The following ANKRD36B variants were observed in gnomAD, a reference collection of about 807,000 sequenced individuals.
ANKRD36B encodes ankyrin repeat domain 36B.
Under a neutral mutation model 135.7 loss-of-function variants are expected in ANKRD36B, and 37 were observed. That is an observed-to-expected ratio of 0.27 (90% confidence interval 0.21 to 0.36). The LOEUF is 0.36. Among genes scored for constraint, ANKRD36B ranks in the 10% least tolerant of loss-of-function variants. ANKRD36B has a pLI of 1.00. For synonymous variants in ANKRD36B, 179 were observed against 348.1 expected (o/e 0.51, Z 5.41); for missense variants, 549 against 1,037.1 (o/e 0.53, Z 6.46).
rs762947828 is a variant in ANKRD36B at position 97,545,829 on chromosome 2, T to C, written c.1608+4A>G. On this transcript the variant is annotated splice_donor_region_variant and intron_variant, in intron 23 of 43. Coordinates refer to ENST00000359901, the MANE Select transcript of ANKRD36B (RefSeq NM_001393939.1). ...GTTCAAAATACAAAAGAGAGTTTAA[T>C]TACCTTCAAGGATGGTTGTTTATGA... 1.4e-5 allele frequency: 13 copies of C among 961,926 alleles called. 6 individuals are homozygous for C. Among genetic ancestry groups the C allele is most frequent in the South Asian group, 1.3e-4 (11 of 84,722 alleles). 59.6% of individuals were successfully genotyped at this position (961,926 alleles called of 1,614,324 possible). A position where few individuals can be genotyped will look rare whatever the true frequency, so the allele number is the denominator to read the frequency against.
At chr2:97,561,639 C>T (rs1187712637) in intron 6 of ANKRD36B, among the ~76,000 whole-genome samples, 1 of 151,908 alleles carries the variant, frequency 6.6e-6, no homozygotes, top group East Asian at 1.9e-4. Flanking sequence ...ATCTGGAAAT[C>T]ACTCCAATAT....
At chr2:97,550,947 G>A (rs1355983782) in intron 18 of ANKRD36B, among the ~76,000 whole-genome samples, 5 of 151,966 alleles carry the variant, frequency 3.3e-5, no homozygotes, top group East Asian at 3.9e-4. Flanking sequence ...ACGATGTGAC[G>A]TCTGTAAAAT....
rs1377587180 is a variant in ANKRD36B at position 97,540,083 on chromosome 2, A to G, written c.1938T>C (p.Ser646=). 1 of 942,422 alleles carries G rather than the reference A, an allele frequency of 1.1e-6. No homozygotes were observed. Among genetic ancestry groups the G allele is most frequent in the East Asian group, 2.7e-5 (1 of 37,706 alleles). 58.4% of individuals were successfully genotyped at this position (942,422 alleles called of 1,614,324 possible). ...TTATTTCTCTGGCTATATTCGAAAC[A>G]GAATCTTTCTCATCACCTGTAGTCT... The part of the protein sequence containing the change: ...ALKTTGDEKD[S]VSNIAREIKD... Residue 646 remains serine, a synonymous_variant, in exon 30 of 44, where the codon TCT becomes TCC. Coordinates refer to ENST00000359901, the MANE Select transcript of ANKRD36B (RefSeq NM_001393939.1).
chr2:97,583,051 AATGACCT>A (rs2082726762), intron 3 of ANKRD36B, among the ~76,000 whole-genome samples: 1 of 151,266 alleles, frequency 6.6e-6, no homozygotes, highest in Non-Finnish European at 1.5e-5. Flanking sequence ...AAGCTCTAAT[AATGACCT>A]ATATGTATTC....
rs2078540262 is a variant in ANKRD36B at position 97,530,846 on chromosome 2, C to G, written c.2265+1465G>C. Among the ~76,000 whole-genome samples the G allele has an allele frequency of 2.1e-5, 2 of 97,242 alleles. 1 individual carries two copies. Among genetic ancestry groups the G allele is most frequent in the Non-Finnish European group, 5.5e-5 (2 of 36,470 alleles). 63.8% of individuals were successfully genotyped at this position (97,242 alleles called of 152,430 possible). ...GCCATCAGAGAAATGCAAATCAAAA[C>G]CACAATGAGATACCATCCCACACCA... On this transcript the variant is annotated intron_variant, in intron 35 of 43. Transcript: ENST00000359901.
intron 3 of ANKRD36B, among the ~76,000 whole-genome samples, chr2:97,584,149 T>C (rs1460106730): frequency 1.2e-5 from 1 of 86,500 alleles, no homozygotes; most frequent in African/African-American, 4.9e-5. Flanking sequence ...AATTGAATAA[T>C]GTCCATTAAT....
At chr2:97,569,637 C>T (rs1248290787) in intron 6 of ANKRD36B, among the ~76,000 whole-genome samples, 2 of 149,718 alleles carry the variant, frequency 1.3e-5, no homozygotes, top group African/African-American at 4.9e-5. Flanking sequence ...ATGGGGGGAG[C>T]TATGAACGTG....
In ANKRD36B at chr2:97,524,295, C is replaced by T. The variant is rs1186029729; in HGVS notation, c.2266-828G>A. 4 of 93,850 alleles carry T rather than the reference C, an allele frequency of 4.3e-5. 1 individual carries two copies. Among genetic ancestry groups the T allele is most frequent in the East Asian group, 2.4e-4 (1 of 4,254 alleles). 5.8% of individuals were successfully genotyped at this position (93,850 alleles called of 1,614,324 possible). On this transcript the variant is annotated intron_variant, in intron 35 of 43. Transcript: ENST00000359901. ...TGTCCGATGTTTAATTTCCAGTTAGCGGTGTTTTGGTTTTTTGTCATTTGC... is the reference window on the plus strand; with the variant it reads ...TGTCCGATGTTTAATTTCCAGTTAGTGGTGTTTTGGTTTTTTGTCATTTGC...
In ANKRD36B at chr2:97,529,639, G is replaced by T. The variant is rs2078448391; in HGVS notation, c.2265+2672C>A. Among the ~76,000 whole-genome samples, 3 of 96,080 alleles carry T rather than the reference G, an allele frequency of 3.1e-5. 1 individual carries two copies. Among genetic ancestry groups the T allele is most frequent in the African/African-American group, 9.4e-5 (3 of 32,006 alleles). The allele number at this position is 96,080 out of a possible 152,430, so 63.0% of individuals were successfully genotyped here. A position where few individuals can be genotyped will look rare whatever the true frequency, so the allele number is the denominator to read the frequency against. ...GTCCCTGTTTGCAGACGACATGATT[G>T]TATATCTAGAAAACCCCATTGTCTC... On this transcript the variant is annotated intron_variant, in intron 35 of 43. Coordinates refer to ENST00000359901, the MANE Select transcript of ANKRD36B (RefSeq NM_001393939.1).
intron 43 of ANKRD36B, among the ~76,000 whole-genome samples, chr2:97,494,680 CTTG>C (rs1354565410): frequency 1.4e-4 from 14 of 98,408 alleles, no homozygotes; most frequent in African/African-American, 3.9e-4. Context: ...TATAGTGTAT[CTTG>C]TTGTGAGTCC....
In ANKRD36B at chr2:97,589,682, C is replaced by T. The variant is rs1559262255; in HGVS notation, c.4G>A (p.Glu2Lys). Reference sequence around the variant, plus strand: ...GCGAAGCCATCCGAGCACAAGCGCTCCATGAGGGTGGGCCACCTCTCCCGC... The same window carrying T: ...GCGAAGCCATCCGAGCACAAGCGCTTCATGAGGGTGGGCCACCTCTCCCGC... MERLCSDGFAFP... is the reference protein window; with the variant it reads MKRLCSDGFAFP... Residue 2 changes from glutamate (E) to lysine (K), a missense_variant, in exon 1 of 44, where the codon GAG becomes AAG. Physicochemically the swap from Glu to Lys is moderately conservative, Grantham distance 56. Coordinates refer to ENST00000359901, the MANE Select transcript of ANKRD36B (RefSeq NM_001393939.1). 3 of 1,614,170 alleles carry T rather than the reference C, an allele frequency of 1.9e-6. No individual in the cohort carries two copies. Among genetic ancestry groups the T allele is most frequent in the Non-Finnish European group, 2.5e-6 (3 of 1,180,028 alleles).
chr2:97,585,099 C>T lies in ANKRD36B; in HGVS notation c.295G>A (p.Glu99Lys). 6.2e-7 allele frequency: 1 copy of T among 1,613,292 alleles called. No individual in the cohort carries two copies. Among genetic ancestry groups the T allele is most frequent in the Middle Eastern group, 1.7e-4 (1 of 5,856 alleles). Residue 99 changes from glutamate to lysine, a missense_variant, in exon 3 of 44, where the codon GAG becomes AAG. Glu to Lys is a moderately conservative substitution (Grantham distance 56). Transcript: ENST00000359901. ...PLIKAVQLRQ[E>K]ACATLLLQNG... ...TGCAGCAGAAGAGTTGCACAAGCCTCCTGCCTCAGTTGTACAGCCTGTCAG... is the reference window on the plus strand; with the variant it reads ...TGCAGCAGAAGAGTTGCACAAGCCTTCTGCCTCAGTTGTACAGCCTGTCAG...
At chr2:97,572,137 G>T (rs1468460528) in intron 6 of ANKRD36B, among the ~76,000 whole-genome samples, 1 of 152,040 alleles carries the variant, frequency 6.6e-6, no homozygotes, top group African/African-American at 2.4e-5. Context: ...AAGTTAGCTT[G>T]GTATGGTGGC....
chr2:97,551,195 T>A (rs928645616), intron 18 of ANKRD36B, 94 bp downstream of exon 18: 1 of 1,469,796 alleles, frequency 6.8e-7, no homozygotes, highest in East Asian at 2.5e-5. Context: ...TGAGTCAGAA[T>A]GTGCAGCTTC....
chr2:97,533,674 G>A lies in ANKRD36B; in HGVS notation c.2192-1290C>T, dbSNP rs1285486167. Among the ~76,000 whole-genome samples the A allele has an allele frequency of 2.1e-5, 2 of 94,108 alleles. 1 individual carries two copies. Among genetic ancestry groups the A allele is most frequent in the Non-Finnish European group, 5.6e-5 (2 of 35,578 alleles). 61.7% of individuals were successfully genotyped at this position (94,108 alleles called of 152,430 possible). A position where few individuals can be genotyped will look rare whatever the true frequency, so the allele number is the denominator to read the frequency against. ...TTTTTTCATTCCTAGGTAGGCTACT[G>A]CTATGTCTACATTGCTTGTATCCTG... On this transcript the variant is annotated intron_variant, in intron 34 of 43. Coordinates refer to ENST00000359901, the MANE Select transcript of ANKRD36B (RefSeq NM_001393939.1).
intron 3 of ANKRD36B, 92 bp from the exon 4 acceptor site, chr2:97,580,660 T>C (rs1573067679): frequency 5.8e-6 from 7 of 1,209,426 alleles, no homozygotes; most frequent in East Asian, 5.8e-5. Flanking sequence ...AGCTTCAATA[T>C]ATACAATTGA....
Position 97,536,281 on chromosome 2 carries a change from T to C in ANKRD36B, c.2191+19A>G. 1 of 889,050 alleles carries C rather than the reference T, an allele frequency of 1.1e-6. No individual in the cohort carries two copies. Among genetic ancestry groups the C allele is most frequent in the South Asian group, 1.3e-5 (1 of 78,346 alleles). The allele number at this position is 889,050 out of a possible 1,614,324, so 55.1% of individuals were successfully genotyped here. A position where few individuals can be genotyped will look rare whatever the true frequency, so the allele number is the denominator to read the frequency against. ...TAATGTACTTCTTTCCAGAGTTAAA[T>C]CTACAATGCAAAGTTTACCTGGTGT... On this transcript the variant is annotated intron_variant, in intron 34 of 43. Coordinates refer to ENST00000359901, the MANE Select transcript of ANKRD36B (RefSeq NM_001393939.1).
intron 18 of ANKRD36B, 72 bp downstream of exon 18, chr2:97,551,217 C>T (rs1189133914): frequency 2.0e-6 from 3 of 1,518,660 alleles, no homozygotes; most frequent in East Asian, 2.5e-5. Context: ...ACCAGCCCCC[C>T]ACTGATTTAT....
chr2:97,586,636 ATAAAT>A (rs1173597840), intron 1 of ANKRD36B, among the ~76,000 whole-genome samples: 1 of 152,218 alleles, frequency 6.6e-6, no homozygotes. Flanking sequence ...GAAAAAAACT[ATAAAT>A]TAAAGCAGTG....
Sources: allele counts gnomAD v4.1 joint callset (sites outside exome capture counted in the v4.1 genomes callset), GRCh38; gene constraint gnomAD v4.1.1; transcripts MANE v1.5; gene names NCBI Gene and HGNC (gene_info 2026-07-23, HGNC 2026-07-21).